HELQ: variants seen among roughly 807,000 people sequenced by gnomAD.
HELQ encodes helicase, POLQ like.
In HELQ, 77 loss-of-function variants were observed where a neutral mutation model predicts 111.6. That is an observed-to-expected ratio of 0.69 (90% CI 0.57 to 0.83). The LOEUF (loss-of-function observed/expected upper bound fraction) is 0.83, where lower values mean the gene tolerates loss of function less well. Among genes scored for constraint, HELQ ranks in the 40% least tolerant of loss-of-function variants. The pLI is 0.00. For missense variants in HELQ, 1,200 were observed against 1,288.5 expected, an observed-to-expected ratio of 0.93 and a Z score of 1.05; for synonymous variants, 438 against 454.7, an observed-to-expected ratio of 0.96 and a Z score of 0.47.
intron 1 of HELQ, among the ~76,000 whole-genome samples, chr4:83,454,394 T>C (rs1721610477): frequency 6.6e-6 from 1 of 151,996 alleles, no homozygotes; most frequent in South Asian, 2.1e-4. Flanking sequence ...AGTGTTACGA[T>C]GATACTGAGA....
intron 13 of HELQ, 66 bp downstream of exon 13, chr4:83,427,496 CA>C (rs776779336): frequency 1.1e-4 from 141 of 1,338,870 alleles, no homozygotes; most frequent in Non-Finnish European, 1.3e-4. Context: ...CTCTAAAAAA[CA>C]AAACAAAACA....
In HELQ at chr4:83,450,688, G is replaced by A. The variant is rs540226037; in HGVS notation, c.1013-1727C>T. 2.6e-4 allele frequency among the ~76,000 whole-genome samples: 39 copies of A among 150,900 alleles called. No homozygotes were observed. In the South Asian group the frequency reaches 6.3e-3, roughly 24 times the overall value. The stretch of plus-strand genomic sequence containing the variant: ...TCAAAAAAAAAAAAAAAAACTAGCC[G>A]GGTACAATGGCTCATATCTGTAATT... On this transcript the variant is annotated intron_variant, in intron 2 of 17. Transcript: ENST00000295488.
Position 83,421,545 on chromosome 4 carries a change from T to C in HELQ, c.2949+18A>G, listed in dbSNP as rs1047922245. On this transcript the variant is annotated intron_variant, in intron 15 of 17. Transcript: ENST00000295488. ...CAGAAGATGCACAAAGTACATATCA[T>C]ATATTCAATGAAATTACCTCACAGA... 2.5e-6 allele frequency: 4 copies of C among 1,595,622 alleles called. No homozygotes were observed. The highest frequency in any genetic ancestry group is 1.7e-5 in the Admixed American group (1 of 59,006).
chr4:83,434,665 T>C (rs1369068819), intron 9 of HELQ, among the ~76,000 whole-genome samples: 1 of 152,020 alleles, frequency 6.6e-6, no homozygotes, highest in African/African-American at 2.4e-5. Flanking sequence ...GGTCTTGCTA[T>C]GTTGTCCAGA....
Sources: gnomAD v4.1 joint callset for allele counts (sites outside exome capture counted in the v4.1 genomes callset) on GRCh38, gnomAD v4.1.1 for gene constraint, MANE v1.5 for transcripts, NCBI Gene and HGNC (gene_info 2026-07-23, HGNC 2026-07-21) for gene names.